CYP27A1: variants seen among roughly 807,000 people sequenced by gnomAD.
The protein encoded by CYP27A1 is cytochrome P450 family 27 subfamily A member 1.
In CYP27A1, 46 loss-of-function variants were observed where a neutral mutation model predicts 58.2. The observed-to-expected ratio is 0.79, with a 90% CI of 0.62 to 1.01. The LOEUF (loss-of-function observed/expected upper bound fraction) is 1.01, where lower values mean the gene tolerates loss of function less well. Among genes scored for constraint, CYP27A1 ranks in the 50% least tolerant of loss-of-function variants. CYP27A1 has a pLI of 0.00. For missense variants in CYP27A1, 704 were observed against 687.0 expected, an observed-to-expected ratio of 1.02 and a Z score of -0.28; for synonymous variants, 274 against 285.1, an observed-to-expected ratio of 0.96 and a Z score of 0.39.
intron 1 of CYP27A1, among the ~76,000 whole-genome samples, chr2:218,804,037 G>A (rs1027120449): frequency 6.6e-6 from 1 of 150,608 alleles, no homozygotes; most frequent in Admixed American, 6.7e-5. Context: ...CTGGCCAAAA[G>A]TTTTTAATTT....
intron 2 of CYP27A1, among the ~76,000 whole-genome samples, chr2:218,810,636 AT>A (rs1943703083): frequency 6.6e-6 from 1 of 152,146 alleles, no homozygotes; most frequent in Non-Finnish European, 1.5e-5. Context: ...CCTCCAAGTG[AT>A]TTTTTAACAA....
In CYP27A1 at chr2:218,782,225, G is replaced by A; in HGVS notation, c.43G>A (p.Gly15Arg). ...CGCGAGGCTGAGGTGGGCGCTGCGA[G>A]GGGCCGGCCGTGGCCTCTGCCCCCA... ...GCARLRWALR[G>R]AGRGLCPHGA... Residue 15 changes from glycine (G) to arginine (R), a missense_variant, in exon 1 of 9, where the codon GGG becomes AGG. By Grantham distance (125) the Gly-to-Arg change is moderately radical. Transcript: ENST00000258415. The surrounding 1 kb of genome is among the most constrained non-coding windows in gnomAD (Gnocchi z 4.1). The A allele has an allele frequency of 6.5e-7, 1 of 1,541,856 alleles. No individual in the cohort carries two copies. Among genetic ancestry groups the A allele is most frequent in the Non-Finnish European group, 8.7e-7 (1 of 1,146,266 alleles).
chr2:218,782,524 G>A lies in CYP27A1; in HGVS notation c.255+87G>A, dbSNP rs78706879. ...GGTGAGAAGACGTTGGACAGAAAGT[G>A]AAGGCTGCAGGAACTCAGCTGGGGA... On this transcript the variant is annotated intron_variant, in intron 1 of 8. Transcript: ENST00000258415. The surrounding 1 kb of genome is among the most constrained non-coding windows in gnomAD (Gnocchi z 4.1). 19,566 of 1,561,238 alleles carry A rather than the reference G, an allele frequency of 0.013. 211 individuals carry two copies. Among genetic ancestry groups the A allele is most frequent in the Non-Finnish European group, 0.015 (17,034 of 1,137,826 alleles).
chr2:218,796,112 G>A (rs1401770876), intron 1 of CYP27A1, among the ~76,000 whole-genome samples: 1 of 152,044 alleles, frequency 6.6e-6, no homozygotes, highest in Non-Finnish European at 1.5e-5. Context: ...TGTAGTCGAG[G>A]GTATAAGGCC....
Position 218,805,278 on chromosome 2 carries a change from C to T in CYP27A1, c.256-4299C>T, listed in dbSNP as rs575306390. Reference sequence around the variant, plus strand: ...ACGTATCCTCTTCCCCACCCCCTTTCTATGTCTGTCTCTGTCTCTCTCATG... The same window carrying T: ...ACGTATCCTCTTCCCCACCCCCTTTTTATGTCTGTCTCTGTCTCTCTCATG... On this transcript the variant is annotated intron_variant, in intron 1 of 8. Coordinates refer to ENST00000258415, the MANE Select transcript of CYP27A1 (RefSeq NM_000784.4). Among the ~76,000 whole-genome samples the T allele has an allele frequency of 9.8e-5, 15 of 152,330 alleles. 1 individual carries two copies. The East Asian group carries it at 2.7e-3, about 27-fold the overall frequency.
At chr2:218,786,007 G>A (rs975903810) in intron 1 of CYP27A1, among the ~76,000 whole-genome samples, 1 of 152,184 alleles carries the variant, frequency 6.6e-6, no homozygotes, top group African/African-American at 2.4e-5. Context: ...AGCTTTGGCT[G>A]GGTGTGATGG....
intron 1 of CYP27A1, among the ~76,000 whole-genome samples, chr2:218,803,370 C>A (rs995719905): frequency 6.6e-6 from 1 of 152,172 alleles, no homozygotes; most frequent in African/African-American, 2.4e-5. Flanking sequence ...CAAATATTTT[C>A]TCTCGTTCTA....
At chr2:218,803,059 C>T (rs140941786) in intron 1 of CYP27A1, among the ~76,000 whole-genome samples, 1,624 of 152,246 alleles carry the variant, frequency 0.011, 29 homozygotes, top group African/African-American at 0.037. Context: ...ATTCTCATGC[C>T]TCAGCCTCCC....
chr2:218,804,016 A>T (rs1943626698), intron 1 of CYP27A1, among the ~76,000 whole-genome samples: 1 of 152,070 alleles, frequency 6.6e-6, no homozygotes, highest in African/African-American at 2.4e-5. Flanking sequence ...TACAGGTGTG[A>T]GCCACCATGC....
intron 1 of CYP27A1, among the ~76,000 whole-genome samples, chr2:218,800,465 A>G (rs1010908170): frequency 5.9e-5 from 9 of 152,212 alleles, no homozygotes; most frequent in Non-Finnish European, 1.0e-4. Flanking sequence ...TGACCATGAG[A>G]CAAGCACTTT....
chr2:218,800,082 C>T (rs1943584614), intron 1 of CYP27A1, among the ~76,000 whole-genome samples: 1 of 152,116 alleles, frequency 6.6e-6, no homozygotes, highest in Non-Finnish European at 1.5e-5. Context: ...TCCTGCTAGA[C>T]CGCAGCCAAG....
chr2:218,799,003 G>C (rs1943574070), intron 1 of CYP27A1, among the ~76,000 whole-genome samples: 1 of 152,208 alleles, frequency 6.6e-6, no homozygotes, highest in Non-Finnish European at 1.5e-5. Context: ...TGTGCAAAAA[G>C]ACTGAAGTCC....
intron 1 of CYP27A1, among the ~76,000 whole-genome samples, chr2:218,809,305 C>T (rs553788904): frequency 6.6e-6 from 1 of 152,252 alleles, no homozygotes; most frequent in Non-Finnish European, 1.5e-5. Flanking sequence ...ACTTTCACTC[C>T]TCCAAGGACC....
At chr2:218,791,347 G>A (rs528692160) in intron 1 of CYP27A1, among the ~76,000 whole-genome samples, 5 of 152,296 alleles carry the variant, frequency 3.3e-5, no homozygotes, top group Admixed American at 6.5e-5. Context: ...TTGGCCCTTT[G>A]TCTTCCATCT....
At chr2:218,791,081 C>A (rs1270521380) in intron 1 of CYP27A1, among the ~76,000 whole-genome samples, 2 of 152,182 alleles carry the variant, frequency 1.3e-5, no homozygotes, top group Admixed American at 1.3e-4. Context: ...AGTGATCCAA[C>A]CGCCTCGGCC....
chr2:218,813,196 A>G (rs1943743931), intron 5 of CYP27A1, 100 bp downstream of exon 5: 1 of 1,121,052 alleles, frequency 8.9e-7, no homozygotes, highest in African/African-American at 1.6e-5. Context: ...CCCTCCAAGG[A>G]CCTGCTTCTT....
chr2:218,795,044 G>T (rs919182688), intron 1 of CYP27A1, among the ~76,000 whole-genome samples: 1 of 152,194 alleles, frequency 6.6e-6, no homozygotes, highest in African/African-American at 2.4e-5. Context: ...AGCAGGGAGG[G>T]CCTAGAGAAT....
At chr2:218,811,387 A>G (rs1462832567) in intron 2 of CYP27A1, among the ~76,000 whole-genome samples, 1 of 152,192 alleles carries the variant, frequency 6.6e-6, no homozygotes, top group Non-Finnish European at 1.5e-5. Flanking sequence ...ATTGCTCTAC[A>G]GCTAGCCTTT....
At chr2:218,787,049 C>G (rs149516122) in intron 1 of CYP27A1, among the ~76,000 whole-genome samples, 1 of 152,146 alleles carries the variant, frequency 6.6e-6, no homozygotes, top group African/African-American at 2.4e-5. Context: ...CTTTGGCCTC[C>G]CAAAGTACTG....
Sources: gnomAD v4.1 joint callset for allele counts (sites outside exome capture counted in the v4.1 genomes callset) on GRCh38, gnomAD v4.1.1 for gene constraint, Gnocchi (gnomAD v3.1) non-coding constraint, MANE v1.5 for transcripts, NCBI Gene and HGNC (gene_info 2026-07-23, HGNC 2026-07-21) for gene names.